FGF14: variants seen among roughly 807,000 people sequenced by gnomAD.
FGF14 encodes the protein fibroblast growth factor 14.
Under a neutral mutation model 25.5 loss-of-function variants are expected in FGF14, and 5 were observed. The observed-to-expected ratio is 0.20, with a 90% CI of 0.10 to 0.41. The LOEUF is 0.41. FGF14 is among the 10% of genes least tolerant of loss of function. The pLI, the probability that FGF14 is intolerant of heterozygous loss-of-function variation, is 1.00. For synonymous variants in FGF14, 138 were observed against 118.3 expected, an observed-to-expected ratio of 1.17 and a Z score of -1.08; for missense variants, 222 against 320.1, an observed-to-expected ratio of 0.69 and a Z score of 2.34.
intron 1 of FGF14, among the ~76,000 whole-genome samples, chr13:102,327,567 G>A (rs2056494942): frequency 6.6e-6 from 1 of 152,170 alleles, no homozygotes; most frequent in Non-Finnish European, 1.5e-5. Context: ...GGGTGTGGTG[G>A]TTCACACCAA....
At chr13:102,350,335 C>T (rs2057239149) in intron 1 of FGF14, among the ~76,000 whole-genome samples, 2 of 151,198 alleles carry the variant, frequency 1.3e-5, no homozygotes, top group Non-Finnish European at 2.9e-5. Context: ...TGCCATCGCA[C>T]TGCACTCCAG....
chr13:102,237,167 C>A (rs529762544), intron 1 of FGF14, among the ~76,000 whole-genome samples: 1 of 152,226 alleles, frequency 6.6e-6, no homozygotes, highest in East Asian at 1.9e-4. Flanking sequence ...TCTGATAGAG[C>A]GTTATCTCAA....
At chr13:102,074,273 A>G (rs1049019528) in intron 1 of FGF14, among the ~76,000 whole-genome samples, 3 of 152,164 alleles carry the variant, frequency 2.0e-5, no homozygotes, top group African/African-American at 7.2e-5. Flanking sequence ...ATTGGCCTCC[A>G]AAGTGCTAGG....
At chr13:102,192,742 A>G (rs2049178211) in intron 1 of FGF14, among the ~76,000 whole-genome samples, 1 of 152,168 alleles carries the variant, frequency 6.6e-6, no homozygotes, top group Non-Finnish European at 1.5e-5. Flanking sequence ...GTGCTATGTC[A>G]CTTTATAAAA....
At chr13:102,083,803 T>G (rs1232291725) in intron 1 of FGF14, among the ~76,000 whole-genome samples, 2 of 152,206 alleles carry the variant, frequency 1.3e-5, no homozygotes, top group African/African-American at 4.8e-5. Context: ...AGTCACTCAT[T>G]GACTCAGAAT....
intron 1 of FGF14, among the ~76,000 whole-genome samples, chr13:102,314,096 T>A (rs1409147701): frequency 2.2e-5 from 3 of 139,384 alleles, no homozygotes; most frequent in Non-Finnish European, 4.8e-5. Flanking sequence ...GCATTACGTA[T>A]TGAAAAAAAA....
intron 1 of FGF14, among the ~76,000 whole-genome samples, chr13:101,875,983 G>T (rs578251630): frequency 6.6e-6 from 1 of 152,164 alleles, no homozygotes; most frequent in African/African-American, 2.4e-5. Flanking sequence ...ATCAAATAGA[G>T]AAATTAGACA....
At chr13:102,142,820 A>C (rs538102828) in intron 1 of FGF14, among the ~76,000 whole-genome samples, 1 of 152,278 alleles carries the variant, frequency 6.6e-6, no homozygotes, top group African/African-American at 2.4e-5. Flanking sequence ...CTAAAACACA[A>C]ATTTTGAATG....
chr13:101,735,569 G>A (rs149326454), intron 3 of FGF14, among the ~76,000 whole-genome samples: 243 of 151,596 alleles, frequency 1.6e-3, no homozygotes, highest in African/African-American at 5.0e-3. Flanking sequence ...TCCTCTTCAC[G>A]CAACCTGTAT....
At chr13:101,885,889 T>C (rs1594607784) in intron 1 of FGF14, among the ~76,000 whole-genome samples, 1 of 152,252 alleles carries the variant, frequency 6.6e-6, no homozygotes, top group Non-Finnish European at 1.5e-5. Flanking sequence ...CTAACTATCA[T>C]ATTCCCATGC....
At chr13:102,207,754 A>G (rs1291280186) in intron 1 of FGF14, among the ~76,000 whole-genome samples, 1 of 152,088 alleles carries the variant, frequency 6.6e-6, no homozygotes. Context: ...TCTGTGCTGA[A>G]TGTTTGACAT....
At chr13:102,378,925 G>A (rs1260536557) in intron 1 of FGF14, among the ~76,000 whole-genome samples, 3 of 151,994 alleles carry the variant, frequency 2.0e-5, no homozygotes, top group African/African-American at 4.8e-5. Context: ...CTGGCCCATC[G>A]ATATCAACAG....
At chr13:102,051,838 T>C (rs1323994405) in intron 1 of FGF14, among the ~76,000 whole-genome samples, 1 of 152,020 alleles carries the variant, frequency 6.6e-6, no homozygotes, top group Non-Finnish European at 1.5e-5. Flanking sequence ...TACACATCAA[T>C]GTCAATAAGA....
At chr13:102,124,362 C>G (rs1035997904) in intron 1 of FGF14, among the ~76,000 whole-genome samples, 2 of 150,516 alleles carry the variant, frequency 1.3e-5, no homozygotes, top group East Asian at 4.1e-4. Context: ...ATTTTGACCA[C>G]CAAAATAGAG....
chr13:102,238,212 C>T (rs2051418531), intron 1 of FGF14, among the ~76,000 whole-genome samples: 1 of 152,046 alleles, frequency 6.6e-6, no homozygotes, highest in South Asian at 2.1e-4. Flanking sequence ...CAAGAATATA[C>T]AAAGTGATGG....
chr13:102,052,043 G>C (rs1002980309), intron 1 of FGF14, among the ~76,000 whole-genome samples: 3 of 152,022 alleles, frequency 2.0e-5, no homozygotes, highest in Non-Finnish European at 4.4e-5. Flanking sequence ...AACACAAAAA[G>C]TTTAACAGAT....
chr13:102,158,459 G>A (rs1219513625), intron 1 of FGF14, among the ~76,000 whole-genome samples: 2 of 135,322 alleles, frequency 1.5e-5, no homozygotes, highest in African/African-American at 2.8e-5. Flanking sequence ...TCATAGGTGG[G>A]AATTGAACAA....
At chr13:102,282,382 C>A (rs1396882521) in intron 1 of FGF14, among the ~76,000 whole-genome samples, 1 of 152,162 alleles carries the variant, frequency 6.6e-6, no homozygotes, top group Admixed American at 6.5e-5. Flanking sequence ...CAGGTTATCA[C>A]ATAAGGAATC....
intron 1 of FGF14, among the ~76,000 whole-genome samples, chr13:102,233,351 G>C (rs545548972): frequency 6.6e-6 from 1 of 151,928 alleles, no homozygotes. Context: ...GGCTGTTTTC[G>C]AACTCCTGAC....
Sources: allele counts gnomAD v4.1 joint callset (sites outside exome capture counted in the v4.1 genomes callset), GRCh38; gene constraint gnomAD v4.1.1; transcripts MANE v1.5; gene names NCBI Gene and HGNC (gene_info 2026-07-23, HGNC 2026-07-21).